Variants in LRMDA observed in about 807,000 individuals in gnomAD.
LRMDA encodes leucine rich melanocyte differentiation associated, also known as leucine-rich melanocyte differentiation-associated protein.
In LRMDA, 18 loss-of-function variants were observed where a neutral mutation model predicts 29.8. The observed-to-expected ratio is 0.60, with a 90% confidence interval of 0.42 to 0.90. The LOEUF is 0.90. Ranked by LOEUF, LRMDA falls within the 40% of genes least tolerant of loss-of-function variation. The pLI is 0.00. For missense variants in LRMDA, 273 were observed against 273.9 expected (o/e 1.00, Z 0.02); for synonymous variants, 125 against 109.4 (o/e 1.14, Z -0.89).
intron 2 of LRMDA, among the ~76,000 whole-genome samples, chr10:75,442,725 A>G (rs775462061): frequency 6.6e-6 from 1 of 151,912 alleles, no homozygotes; most frequent in Non-Finnish European, 1.5e-5. Flanking sequence ...AGATTGCTCT[A>G]TTTGGAGTCT....
chr10:75,583,660 C>T lies in LRMDA; in HGVS notation c.131+145166C>T, dbSNP rs922990602. Among the ~76,000 whole-genome samples, 4 of 152,304 alleles carry T rather than the reference C, an allele frequency of 2.6e-5. No homozygotes were observed. In the East Asian group the frequency reaches 7.7e-4, roughly 29 times the overall value. Reference sequence around the variant, plus strand: ...CTATCAACCTCTAATGCTGACCTCACTGCCTTTCCTCCTGCCCACCATCAG... The same window carrying T: ...CTATCAACCTCTAATGCTGACCTCATTGCCTTTCCTCCTGCCCACCATCAG... On this transcript the variant is annotated intron_variant, in intron 2 of 6. Coordinates refer to ENST00000611255, the MANE Select transcript of LRMDA (RefSeq NM_001305581.2).
intron 2 of LRMDA, among the ~76,000 whole-genome samples, chr10:75,796,536 T>TCACATG (rs1843656372): frequency 6.6e-6 from 1 of 152,190 alleles, no homozygotes; most frequent in African/African-American, 2.4e-5. Context: ...GGTCATCATG[T>TCACATG]GTTATCCTTT....
intron 5 of LRMDA, among the ~76,000 whole-genome samples, chr10:76,127,953 C>G (rs545525192): frequency 9.2e-5 from 14 of 152,152 alleles, no homozygotes; most frequent in South Asian, 8.3e-4. Context: ...AGCATTTTAA[C>G]CAACTTAAAA....
intron 2 of LRMDA, among the ~76,000 whole-genome samples, chr10:75,924,328 A>G (rs1406025031): frequency 6.6e-6 from 1 of 152,192 alleles, no homozygotes; most frequent in Non-Finnish European, 1.5e-5. Flanking sequence ...GAACAAAGTA[A>G]ATTTACATGG....
intron 2 of LRMDA, among the ~76,000 whole-genome samples, chr10:75,776,491 C>T (rs1843313434): frequency 6.6e-6 from 1 of 152,118 alleles, no homozygotes; most frequent in South Asian, 2.1e-4. Flanking sequence ...GGTTCATGGG[C>T]CAGAAGGAAC....
At chr10:75,642,600 C>T (rs898997498) in intron 2 of LRMDA, 1 of 152,176 alleles carries the variant, frequency 6.6e-6, no homozygotes, top group African/African-American at 2.4e-5. Context: ...TTTTCCCAGT[C>T]TGAAGGGCAG....
At chr10:75,765,898 C>T (rs1843157884) in intron 2 of LRMDA, among the ~76,000 whole-genome samples, 1 of 151,978 alleles carries the variant, frequency 6.6e-6, no homozygotes, top group Admixed American at 6.6e-5. Flanking sequence ...TTGAATGCCA[C>T]TTAATCATGC....
At chr10:75,436,243 G>A (rs866376166) in intron 1 of LRMDA, among the ~76,000 whole-genome samples, 1 of 152,056 alleles carries the variant, frequency 6.6e-6, no homozygotes, top group African/African-American at 2.4e-5. Context: ...AACATCAGAA[G>A]TTTTGACAAA....
At chr10:75,550,928 A>G (rs924300489) in intron 2 of LRMDA, among the ~76,000 whole-genome samples, 11 of 151,990 alleles carry the variant, frequency 7.2e-5, no homozygotes, top group Admixed American at 7.2e-4. Context: ...TTACAATGGT[A>G]CTCTTCCATT....
chr10:75,943,471 C>T (rs975388141), intron 2 of LRMDA, among the ~76,000 whole-genome samples: 1 of 152,170 alleles, frequency 6.6e-6, no homozygotes, highest in African/African-American at 2.4e-5. Context: ...TATCAAAACT[C>T]ATGCTCTTAA....
chr10:76,006,943 A>G (rs1263060690), intron 2 of LRMDA, among the ~76,000 whole-genome samples: 3 of 149,434 alleles, frequency 2.0e-5, no homozygotes, highest in African/African-American at 7.5e-5. Context: ...CACTTCTGCA[A>G]TGCTCCCTGG....
intron 5 of LRMDA, among the ~76,000 whole-genome samples, chr10:76,178,368 C>A (rs1487268374): frequency 6.6e-6 from 1 of 152,196 alleles, no homozygotes; most frequent in East Asian, 1.9e-4. Flanking sequence ...CTCTTTGTGT[C>A]TTCGTAGGTA....
chr10:75,682,434 GGTGT>G (rs143384483), intron 2 of LRMDA, among the ~76,000 whole-genome samples: 1 of 150,050 alleles, frequency 6.7e-6, no homozygotes, highest in African/African-American at 2.5e-5. Flanking sequence ...TGTGTGTGGG[GGTGT>G]GTGTGTGTGT....
chr10:76,186,544 G>A (rs1175711392), intron 5 of LRMDA, among the ~76,000 whole-genome samples: 1 of 152,218 alleles, frequency 6.6e-6, no homozygotes, highest in African/African-American at 2.4e-5. Flanking sequence ...GGTTTCCTCT[G>A]TTGAGAAGTC....
intron 6 of LRMDA, among the ~76,000 whole-genome samples, chr10:76,371,507 C>T (rs1564523171): frequency 6.6e-6 from 1 of 152,056 alleles, no homozygotes; most frequent in East Asian, 1.9e-4. Context: ...CAGAGCCTGC[C>T]ACTCACTCTT....
chr10:75,712,979 T>C (rs1038010529), intron 2 of LRMDA, among the ~76,000 whole-genome samples: 9 of 152,230 alleles, frequency 5.9e-5, no homozygotes, highest in African/African-American at 1.7e-4. Flanking sequence ...TAGCAAGTAA[T>C]AATATTTACC....
intron 4 of LRMDA, among the ~76,000 whole-genome samples, chr10:76,047,623 A>T (rs1283076577): frequency 6.6e-6 from 1 of 152,244 alleles, no homozygotes; most frequent in Non-Finnish European, 1.5e-5. Context: ...GTAGTCATAC[A>T]TAATTTGTGA....
At chr10:75,567,147 AT>A (rs369906995) in intron 2 of LRMDA, among the ~76,000 whole-genome samples, 2,002 of 150,626 alleles carry the variant, frequency 0.013, 38 homozygotes, top group African/African-American at 0.041. Context: ...GCTATTAGTT[AT>A]TTTTTTTTCT....
chr10:75,455,159 G>A (rs922061040), intron 2 of LRMDA, among the ~76,000 whole-genome samples: 1 of 152,154 alleles, frequency 6.6e-6, no homozygotes, highest in African/African-American at 2.4e-5. Flanking sequence ...GTACAGGCAT[G>A]GCAATAGACT....
Sources: gnomAD v4.1 joint callset for allele counts (sites outside exome capture counted in the v4.1 genomes callset) on GRCh38, gnomAD v4.1.1 for gene constraint, MANE v1.5 for transcripts, NCBI Gene and HGNC (gene_info 2026-07-23, HGNC 2026-07-21) for gene names.